EGR2: variants seen among roughly 807,000 people sequenced by gnomAD.
The protein encoded by EGR2 is E3 SUMO-protein ligase EGR2.
Under a neutral mutation model 21.2 loss-of-function variants are expected in EGR2, and 2 were observed. That is an observed-to-expected ratio of 0.09 (90% CI 0.04 to 0.30). EGR2 has a LOEUF of 0.30. EGR2 is among the 10% of genes least tolerant of loss of function. EGR2 has a pLI of 1.00. For synonymous variants in EGR2, 282 were observed against 258.2 expected (o/e 1.09, Z -0.88); for missense variants, 458 against 630.2 (o/e 0.73, Z 2.93).
chr10:62,814,866 A>ACACCAC lies in EGR2; in HGVS notation c.170-404_170-399dup, dbSNP rs1842219860. ...TTCCACGGCTGAGGCACCAAGACAAACACCACCCAAGAATCGACCTATCCC... is the reference window on the plus strand; with the variant it reads ...TTCCACGGCTGAGGCACCAAGACAAACACCACCACCACCCAAGAATCGACCTATCCC... On this transcript the variant is annotated intron_variant, in intron 1 of 1. Transcript: ENST00000242480. The surrounding 1 kb of genome is among the most constrained non-coding windows in gnomAD (Gnocchi z 4.8). Among the ~76,000 whole-genome samples the ACACCAC allele has an allele frequency of 6.6e-6, 1 of 152,000 alleles. No homozygotes were observed. Among genetic ancestry groups the ACACCAC allele is most frequent in the African/African-American group, 2.4e-5 (1 of 41,372 alleles).
At chr10:62,815,554 G>T (rs1020299520) in intron 1 of EGR2, among the ~76,000 whole-genome samples, 2 of 152,206 alleles carry the variant, frequency 1.3e-5, no homozygotes, top group Admixed American at 1.3e-4. Flanking sequence ...CTGCCGGCCA[G>T]AGGGCCTACG....
At position 62,813,832 on chromosome 10, in the gene EGR2, C is replaced by A. The variant is rs1425470469; in HGVS notation, c.806G>T (p.Arg269Leu). 1 of 1,613,948 alleles carries A rather than the reference C, an allele frequency of 6.2e-7. No individual in the cohort carries two copies. Among genetic ancestry groups the A allele is most frequent in the Non-Finnish European group, 8.5e-7 (1 of 1,180,006 alleles). Residue 269 changes from arginine to leucine, a missense_variant, in exon 2 of 2, where the codon CGT (arginine) becomes CTT (leucine). Arg to Leu is a moderately radical substitution (Grantham distance 102). Transcript: ENST00000242480. The surrounding 1 kb of genome is among the most constrained non-coding windows in gnomAD (Gnocchi z 5.7). ...PPPLTPLSTI[R>L]NFTLGGPSAG... ...ACTGGGGCCCCCCAGGGTAAAGTTA[C>A]GGATTGTAGAGAGTGGAGTGAGTGG...
chr10:62,814,127 G>A lies in EGR2; in HGVS notation c.511C>T (p.Pro171Ser). ...LDHLYSPPPP[P>S]PPYSGCAGDL... ...CCTGCACAGCCAGAATAAGGAGGAG[G>A]AGGCGGTGGCGGAGAGTACAGGTGG... is the stretch of plus-strand genomic sequence containing the variant. Residue 171 changes from proline to serine, a missense_variant, in exon 2 of 2, where the codon CCT becomes TCT. Physicochemically the swap from Pro to Ser is moderately conservative, Grantham distance 74. This residue lies in a region of EGR2 where 253 missense variants were observed against 315.5 expected (regional missense o/e 0.80). Transcript: ENST00000242480. The surrounding 1 kb of genome is among the most constrained non-coding windows in gnomAD (Gnocchi z 4.8). The A allele has an allele frequency of 6.2e-7, 1 of 1,613,972 alleles. No individual in the cohort carries two copies. The highest frequency in any genetic ancestry group is 8.5e-7 in the Non-Finnish European group (1 of 1,179,874).
chr10:62,817,205 G>T (rs1838270265), upstream of EGR2, among the ~76,000 whole-genome samples: 2 of 152,216 alleles, frequency 1.3e-5, no homozygotes, highest in Middle Eastern at 3.4e-3. The surrounding 1 kb of genome is among the most constrained non-coding windows in gnomAD (Gnocchi z 4.4). Context: ...GCTGCTGCGC[G>T]GAGCGGGCGC....
chr10:62,815,042 A>G (rs954083365), intron 1 of EGR2, among the ~76,000 whole-genome samples: 1 of 152,128 alleles, frequency 6.6e-6, no homozygotes, highest in Admixed American at 6.5e-5. Flanking sequence ...CGAATGGGGG[A>G]TGTAGAGGAA....
At position 62,814,074 on chromosome 10, in the gene EGR2, G is replaced by A. The variant is rs776212792; in HGVS notation, c.564C>T (p.Phe188=). The A allele has an allele frequency of 2.5e-6, 4 of 1,614,110 alleles. No individual in the cohort carries two copies. Among genetic ancestry groups the A allele is most frequent in the South Asian group, 2.2e-5 (2 of 91,082 alleles). Residue 188 remains phenylalanine, a synonymous_variant, in exon 2 of 2, where the codon TTC becomes TTT. Coordinates refer to ENST00000242480, the MANE Select transcript of EGR2 (RefSeq NM_000399.5). The surrounding 1 kb of genome is among the most constrained non-coding windows in gnomAD (Gnocchi z 4.8). ...AGGTGGAGGTGGTGGCTGCTGACAG[G>A]AACGCAGAAGGGTCCTGGTAGAGGT... ...AGDLYQDPSA[F]LSAATTSTSS...
Position 62,814,810 on chromosome 10 carries a change from G to A in EGR2, c.170-342C>T, listed in dbSNP as rs1349496648. On this transcript the variant is annotated intron_variant, in intron 1 of 1. Transcript: ENST00000242480. The surrounding 1 kb of genome is among the most constrained non-coding windows in gnomAD (Gnocchi z 4.8). ...ATATTTTAAAAAGCCTCATCCGCCC[G>A]GAGCTTTTCTCCCTCTTTTTTGCCT... Among the ~76,000 whole-genome samples the A allele has an allele frequency of 3.9e-5, 6 of 152,150 alleles. No homozygotes were observed. Among genetic ancestry groups the A allele is most frequent in the African/African-American group, 1.4e-4 (6 of 41,434 alleles).
At chr10:62,817,990 C>T (rs1838293773), upstream of EGR2, among the ~76,000 whole-genome samples, 1 of 152,178 alleles carries the variant, frequency 6.6e-6, no homozygotes, top group Non-Finnish European at 1.5e-5. This position sits in a 1 kb window ranked among gnomAD's most constrained non-coding sequence, Gnocchi z 4.4. Flanking sequence ...AGCCCTTTCC[C>T]GCTCCAAAGC....
chr10:62,817,991 G>T (rs936242727), upstream of EGR2, among the ~76,000 whole-genome samples: 9 of 152,132 alleles, frequency 5.9e-5, no homozygotes, highest in African/African-American at 1.9e-4. The surrounding 1 kb of genome is among the most constrained non-coding windows in gnomAD (Gnocchi z 4.4). Flanking sequence ...GCCCTTTCCC[G>T]CTCCAAAGCC....
rs751633524 is a variant in EGR2 at position 62,813,194 on chromosome 10, C to G, written c.*13G>C. On this transcript the variant is annotated 3_prime_UTR_variant, in exon 2 of 2. Coordinates refer to ENST00000242480, the MANE Select transcript of EGR2 (RefSeq NM_000399.5). The surrounding 1 kb of genome is among the most constrained non-coding windows in gnomAD (Gnocchi z 5.7). ...GGACCTTTGGGAGCTGGTGTATCAG[C>G]CTGAGTCTCATCTCAAGGTGTCCGG... 1 of 1,555,758 alleles carries G rather than the reference C, an allele frequency of 6.4e-7. No homozygotes were observed.
upstream of EGR2, among the ~76,000 whole-genome samples, chr10:62,816,617 G>T (rs1308411073): frequency 6.6e-6 from 1 of 152,198 alleles, no homozygotes; most frequent in Non-Finnish European, 1.5e-5. Context: ...GGGATCGCGG[G>T]GGAGAGGGCG....
upstream of EGR2, among the ~76,000 whole-genome samples, chr10:62,817,673 ATCTC>A (rs1377335818): frequency 6.6e-6 from 1 of 152,100 alleles, no homozygotes; most frequent in East Asian, 1.9e-4. This position sits in a 1 kb window ranked among gnomAD's most constrained non-coding sequence, Gnocchi z 4.4. Flanking sequence ...GGCCGAAAGC[ATCTC>A]TAATCACTTT....
chr10:62,813,783 G>A lies in EGR2; in HGVS notation c.855C>T (p.Ala285=), dbSNP rs1482664117. The A allele has an allele frequency of 1.9e-6, 3 of 1,613,122 alleles. No individual in the cohort carries two copies. The change falls in exon 2 of 2, where the codon GCC becomes GCT. Residue 285 remains alanine (A), a synonymous_variant. Coordinates refer to ENST00000242480, the MANE Select transcript of EGR2 (RefSeq NM_000399.5). The surrounding 1 kb of genome is among the most constrained non-coding windows in gnomAD (Gnocchi z 5.7). ...GPSAGVTGPG[A]SGGSEGPRLP... The stretch of plus-strand genomic sequence containing the variant: ...GCCGGGGTCCCTCGCTGCCTCCACT[G>A]GCCCCTGGTCCGGTCACCCCAGCAC...
At chr10:62,817,087 G>C (rs1486104284), upstream of EGR2, among the ~76,000 whole-genome samples, 1 of 152,168 alleles carries the variant, frequency 6.6e-6, no homozygotes, top group Non-Finnish European at 1.5e-5. This position sits in a 1 kb window ranked among gnomAD's most constrained non-coding sequence, Gnocchi z 4.4. Context: ...CCTTGGGACT[G>C]GGAGGGTAAA....
Position 62,816,120 on chromosome 10 carries a change from T to C in EGR2, c.-91A>G. 1.2e-6 allele frequency: 2 copies of C among 1,611,330 alleles called. No individual in the cohort carries two copies. The highest frequency in any genetic ancestry group is 1.7e-6 in the Non-Finnish European group (2 of 1,179,334). ...GAGAGGGGTTGGACTGAGCCTGGGATGGTATCTCCTTTTGCCCTCCACACT... is the reference window on the plus strand; with the variant it reads ...GAGAGGGGTTGGACTGAGCCTGGGACGGTATCTCCTTTTGCCCTCCACACT... On this transcript the variant is annotated 5_prime_UTR_variant, in exon 1 of 2. Coordinates refer to ENST00000242480, the MANE Select transcript of EGR2 (RefSeq NM_000399.5).
At position 62,816,294 on chromosome 10, in the gene EGR2, G is replaced by A; in HGVS notation, c.-265C>T. 1 of 1,341,468 alleles carries A rather than the reference G, an allele frequency of 7.5e-7. No individual in the cohort carries two copies. Among genetic ancestry groups the A allele is most frequent in the Non-Finnish European group, 9.6e-7 (1 of 1,041,538 alleles). 83.1% of individuals were successfully genotyped at this position (1,341,468 alleles called of 1,614,324 possible). On this transcript the variant is annotated 5_prime_UTR_variant, in exon 1 of 2. Transcript: ENST00000242480. Reference sequence around the variant, plus strand: ...TCCGGCTGCTGGGAAGCCAGGAGTTGCTGGTGTAGTGTTATTATAACAGTC... The same window carrying A: ...TCCGGCTGCTGGGAAGCCAGGAGTTACTGGTGTAGTGTTATTATAACAGTC...
rs1589081309 is a variant in EGR2, at chr10:62,814,033, T to C, written c.605A>G (p.Tyr202Cys). 6.2e-7 allele frequency: 1 copy of C among 1,613,910 alleles called. No homozygotes were observed. The highest frequency in any genetic ancestry group is 1.3e-5 in the African/African-American group (1 of 74,938). ...ATTSTSSSLAYPPPPSYPSPK... is the reference protein window; with the variant it reads ...ATTSTSSSLACPPPPSYPSPK... ...GGATGGATAGGAAGGAGGTGGTGGGTAGGCCAGAGAGGAAGAGGTGGAGGT... is the reference window on the plus strand; with the variant it reads ...GGATGGATAGGAAGGAGGTGGTGGGCAGGCCAGAGAGGAAGAGGTGGAGGT... Residue 202 changes from tyrosine to cysteine, a missense_variant, in exon 2 of 2, where the codon TAC becomes TGC. Coordinates refer to ENST00000242480, the MANE Select transcript of EGR2 (RefSeq NM_000399.5). The surrounding 1 kb of genome is among the most constrained non-coding windows in gnomAD (Gnocchi z 4.8).
chr10:62,817,468 A>G (rs1838279318), upstream of EGR2, among the ~76,000 whole-genome samples: 1 of 152,050 alleles, frequency 6.6e-6, no homozygotes, highest in Non-Finnish European at 1.5e-5. The surrounding 1 kb of genome is among the most constrained non-coding windows in gnomAD (Gnocchi z 4.4). Flanking sequence ...GGCTCGCTGG[A>G]CAGGAGGTTC....
In EGR2 at chr10:62,815,881, T is replaced by C. The variant is rs1460581029; in HGVS notation, c.149A>G (p.Gln50Arg). 4 of 1,614,094 alleles carry C rather than the reference T, an allele frequency of 2.5e-6. No individual in the cohort carries two copies. Among genetic ancestry groups the C allele is most frequent in the Non-Finnish European group, 3.4e-6 (4 of 1,179,932 alleles). ...PNAELGGPFD[Q>R]MNGVAGDGMI... The stretch of plus-strand genomic sequence containing the variant: ...CTTACCTCCGGCCACTCCGTTCATC[T>C]GGTCAAAGGGGCCTCCCAGTTCGGC... Residue 50 changes from glutamine (Q) to arginine (R), a missense_variant, in exon 1 of 2, where the codon CAG (glutamine) becomes CGG (arginine). By Grantham distance (43) the Gln-to-Arg change is conservative. Transcript: ENST00000242480.
Sources: gnomAD v4.1 joint callset for allele counts (sites outside exome capture counted in the v4.1 genomes callset) on GRCh38, gnomAD v4.1.1 for gene constraint, gnomAD v4.1.1 regional missense constraint, Gnocchi (gnomAD v3.1) non-coding constraint, MANE v1.5 for transcripts, NCBI Gene and HGNC (gene_info 2026-07-23, HGNC 2026-07-21) for gene names.